Variants in ARHGEF7 observed in about 807,000 individuals in gnomAD.
ARHGEF7 encodes PAK-interacting exchange factor beta.
Under a neutral mutation model 109.8 loss-of-function variants are expected in ARHGEF7, and 33 were observed. That is an observed-to-expected ratio of 0.30 (90% CI 0.23 to 0.40). ARHGEF7 has a LOEUF of 0.40. Among genes scored for constraint, ARHGEF7 ranks in the 10% least tolerant of loss-of-function variants. The pLI, the probability that ARHGEF7 is intolerant of heterozygous loss-of-function variation, is 1.00. For synonymous variants in ARHGEF7, 458 were observed against 424.6 expected (o/e 1.08, Z -0.97); for missense variants, 938 against 1,098.5 (o/e 0.85, Z 2.07).
chr13:111,218,281 A>G (rs568000822), intron 5 of ARHGEF7, among the ~76,000 whole-genome samples: 16 of 151,966 alleles, frequency 1.1e-4, no homozygotes, highest in African/African-American at 3.6e-4. Flanking sequence ...CAATGAAGTA[A>G]TTTCTGTCAT....
In ARHGEF7 at chr13:111,159,224, T is replaced by G. The variant is rs138031260; in HGVS notation, c.252+5233T>G. ...TGCAAATAACAGGATTTCCTTTTTT[T>G]AAAAGTCTGACTAGTATTCTATTGT... On this transcript the variant is annotated intron_variant, in intron 2 of 21. Transcript: ENST00000646102. 4 of 621,388 alleles carry G rather than the reference T, an allele frequency of 6.4e-6. No homozygotes were observed. In the Admixed American group the frequency reaches 1.1e-4, roughly 17 times the overall value. The allele number at this position is 621,388 out of a possible 1,614,324, so 38.5% of individuals were successfully genotyped here. A position where few individuals can be genotyped will look rare whatever the true frequency, so the allele number is the denominator to read the frequency against.
chr13:111,303,090 G>A lies in ARHGEF7; in HGVS notation c.2566G>A (p.Ala856Thr), dbSNP rs368094621. ...RKVLKNMNDP[A>T]WDETNL ...AGTCCTGAAGAACATGAATGATCCT[G>A]CCTGGGATGAGACCAATCTATAAGG... is the stretch of plus-strand genomic sequence containing the variant. Residue 856 changes from alanine to threonine, a missense_variant, in exon 22 of 22, where the codon GCC becomes ACC. This residue lies in a region of ARHGEF7 where 166 missense variants were observed against 167.3 expected (regional missense o/e 0.99). Transcript: ENST00000646102. 1 of 1,613,938 alleles carries A rather than the reference G, an allele frequency of 6.2e-7. No individual in the cohort carries two copies. The highest frequency in any genetic ancestry group is 8.5e-7 in the Non-Finnish European group (1 of 1,179,884).
chr13:111,146,529 ATC>A (rs1432995284), intron 1 of ARHGEF7, among the ~76,000 whole-genome samples: 2 of 152,214 alleles, frequency 1.3e-5, no homozygotes, highest in Non-Finnish European at 2.9e-5. Flanking sequence ...CAGAATCAGA[ATC>A]TCCCTGGGGA....
At chr13:111,221,965 G>C (rs1277216993) in intron 5 of ARHGEF7, among the ~76,000 whole-genome samples, 6 of 152,160 alleles carry the variant, frequency 3.9e-5, no homozygotes, top group Non-Finnish European at 2.9e-5. Context: ...TCCAGCATGG[G>C]AGAAAGATGT....
intron 4 of ARHGEF7, among the ~76,000 whole-genome samples, chr13:111,210,678 C>T (rs1594758200): frequency 6.6e-6 from 1 of 152,174 alleles, no homozygotes; most frequent in Non-Finnish European, 1.5e-5. Context: ...GGGGCAGAGC[C>T]AGGGCTGCCA....
At chr13:111,155,909 A>G (rs2076284033) in intron 2 of ARHGEF7, among the ~76,000 whole-genome samples, 1 of 151,154 alleles carries the variant, frequency 6.6e-6, no homozygotes, top group African/African-American at 2.4e-5. Context: ...AACCCTGTCT[A>G]TACTTAAACA....
intron 2 of ARHGEF7, among the ~76,000 whole-genome samples, chr13:111,204,782 G>C (rs2081586238): frequency 1.3e-5 from 2 of 152,152 alleles, no homozygotes; most frequent in Non-Finnish European, 1.5e-5. Flanking sequence ...TGCTTCTCCT[G>C]TCTGTCCTCC....
At chr13:111,292,741 G>A in intron 19 of ARHGEF7, 4 of 1,014,640 alleles carry the variant, frequency 3.9e-6, no homozygotes, top group South Asian at 8.0e-5. Flanking sequence ...GGCCTTATCT[G>A]TAGGGACCTA....
rs1463904193 is a variant in ARHGEF7, at chr13:111,145,062, A to G, written c.166-8843A>G. ...TTTTTTTTAAAAACACAAAAGGTAG[A>G]TATTATCCACGGTGTTCCCCACGTT... On this transcript the variant is annotated intron_variant, in intron 1 of 21. Coordinates refer to ENST00000646102, the MANE Select transcript of ARHGEF7 (RefSeq NM_001354046.2). This position sits in a 1 kb window ranked among gnomAD's most constrained non-coding sequence, Gnocchi z 4.3. Among the ~76,000 whole-genome samples, 1 of 151,730 alleles carries G rather than the reference A, an allele frequency of 6.6e-6. No homozygotes were observed. The highest frequency in any genetic ancestry group is 1.5e-5 in the Non-Finnish European group (1 of 67,952).
At chr13:111,213,224 C>A (rs962989975) in intron 4 of ARHGEF7, among the ~76,000 whole-genome samples, 1 of 151,972 alleles carries the variant, frequency 6.6e-6, no homozygotes, top group Non-Finnish European at 1.5e-5. Context: ...AGAAAGAGGC[C>A]GTTAAGGAGC....
At chr13:111,126,137 G>A (rs1441863889) in intron 1 of ARHGEF7, among the ~76,000 whole-genome samples, 2 of 152,198 alleles carry the variant, frequency 1.3e-5, no homozygotes, top group African/African-American at 4.8e-5. Context: ...GTCTTCTGGT[G>A]GAAACACATT....
chr13:111,243,673 G>T (rs2088238548), intron 6 of ARHGEF7, among the ~76,000 whole-genome samples, 199 bp from the exon 7 acceptor site: 1 of 152,144 alleles, frequency 6.6e-6, no homozygotes, highest in Non-Finnish European at 1.5e-5. Flanking sequence ...AAAGTCAGTT[G>T]TATGGCCTTA....
At chr13:111,226,430 C>T (rs1030808098) in intron 5 of ARHGEF7, among the ~76,000 whole-genome samples, 8 of 152,148 alleles carry the variant, frequency 5.3e-5, no homozygotes, top group African/African-American at 1.9e-4. Flanking sequence ...GAGTTGAAGC[C>T]AATTCTCATT....
intron 11 of ARHGEF7, 60 bp from the exon 12 acceptor site, chr13:111,275,472 G>A: frequency 6.3e-7 from 1 of 1,578,972 alleles, no homozygotes. Context: ...AAGCAATGTG[G>A]CCGGAACTTA....
chr13:111,141,987 T>C (rs190058314), intron 1 of ARHGEF7, among the ~76,000 whole-genome samples: 20 of 152,334 alleles, frequency 1.3e-4, no homozygotes, highest in Admixed American at 2.6e-4. Context: ...TTGCCAGCAT[T>C]TGGTGTTGAC....
intron 12 of ARHGEF7, chr13:111,275,931 A>T (rs1023204391): frequency 8.0e-5 from 37 of 459,932 alleles, no homozygotes; most frequent in Admixed American, 2.7e-4. Flanking sequence ...CGTGAACTGA[A>T]GGATAGATAG....
rs554303221 is a variant in ARHGEF7, at chr13:111,291,949, C to T, written c.2135-169C>T. Among the ~76,000 whole-genome samples the T allele has an allele frequency of 3.3e-4, 50 of 152,246 alleles. No homozygotes were observed. The South Asian group carries it at 9.6e-3, about 29-fold the overall frequency. On this transcript the variant is annotated intron_variant, in intron 18 of 21. Coordinates refer to ENST00000646102, the MANE Select transcript of ARHGEF7 (RefSeq NM_001354046.2). The stretch of plus-strand genomic sequence containing the variant: ...TAAGTTCGTTATTGTGAAACCCAGC[C>T]GTATATAAGGAAAAATATGCATTGT...
At chr13:111,217,932 A>G (rs2083333621) in intron 5 of ARHGEF7, 52 bp downstream of exon 5, 1 of 1,521,284 alleles carries the variant, frequency 6.6e-7, no homozygotes, top group Non-Finnish European at 8.9e-7. Flanking sequence ...AGCAGAAAGA[A>G]GTAAATGTAC....
At chr13:111,126,290 AG>A (rs1402464155) in intron 1 of ARHGEF7, among the ~76,000 whole-genome samples, 4 of 152,228 alleles carry the variant, frequency 2.6e-5, no homozygotes, top group Non-Finnish European at 4.4e-5. Context: ...CAGGAGCTCA[AG>A]ACCAGCCTGG....
Sources: gnomAD v4.1 joint callset for allele counts (sites outside exome capture counted in the v4.1 genomes callset) on GRCh38, gnomAD v4.1.1 for gene constraint, gnomAD v4.1.1 regional missense constraint, Gnocchi (gnomAD v3.1) non-coding constraint, MANE v1.5 for transcripts, NCBI Gene and HGNC (gene_info 2026-07-23, HGNC 2026-07-21) for gene names.